KLF12: variants seen among roughly 807,000 people sequenced by gnomAD.
The protein encoded by KLF12 is KLF transcription factor 12, also known as Krueppel-like factor 12.
Under a neutral mutation model 37.8 loss-of-function variants are expected in KLF12, and 9 were observed. The ratio of observed to expected loss-of-function variants is 0.24; its 90% CI spans 0.14 to 0.42. KLF12 has a LOEUF of 0.42. Among genes scored for constraint, KLF12 ranks in the 10% least tolerant of loss-of-function variants. The probability of loss-of-function intolerance (pLI) is 1.00; values close to 1 mark genes in which losing one functional copy is unlikely to be tolerated. For synonymous variants in KLF12, 208 were observed against 202.1 expected (o/e 1.03, Z -0.25); for missense variants, 411 against 516.0 (o/e 0.80, Z 1.97).
chr13:73,873,421 G>T (rs1886564079), intron 3 of KLF12, among the ~76,000 whole-genome samples: 1 of 152,012 alleles, frequency 6.6e-6, no homozygotes, highest in Non-Finnish European at 1.5e-5. Context: ...TCAAAATCTG[G>T]TTCATCAATT....
chr13:74,158,703 T>A, the KLF12 span, among the ~76,000 whole-genome samples: 3 of 151,964 alleles, frequency 2.0e-5, no homozygotes, highest in East Asian at 5.8e-4. Flanking sequence ...TTGGGTAATG[T>A]GGGGTGGGGA....
At chr13:74,271,940 A>G in the KLF12 span, among the ~76,000 whole-genome samples, 1 of 152,248 alleles carries the variant, frequency 6.6e-6, no homozygotes, top group African/African-American at 2.4e-5. Context: ...TCAGCTTTTT[A>G]TAAAAAACTT....
chr13:74,101,895 C>A (rs1487904623), intron 1 of KLF12, among the ~76,000 whole-genome samples: 1 of 152,124 alleles, frequency 6.6e-6, no homozygotes, highest in Non-Finnish European at 1.5e-5. Flanking sequence ...ACTGTGGTGG[C>A]TGGTTTAGGC....
At chr13:74,287,386 G>GAGAGAA in the KLF12 span, among the ~76,000 whole-genome samples, 4 of 151,386 alleles carry the variant, frequency 2.6e-5, no homozygotes, top group Non-Finnish European at 5.9e-5. Context: ...GAGAGAGAGA[G>GAGAGAA]AGAGAGAGAA....
intron 1 of KLF12, among the ~76,000 whole-genome samples, chr13:74,051,341 A>AACACACACACACACACACACACAC (rs10678885): frequency 1.4e-5 from 2 of 143,690 alleles, no homozygotes; most frequent in Non-Finnish European, 3.0e-5. Context: ...TACACACACA[A>AACACACACACACACACACACACAC]ACACACACAC....
the KLF12 span, among the ~76,000 whole-genome samples, chr13:74,178,796 A>G: frequency 6.6e-6 from 1 of 152,104 alleles, no homozygotes; most frequent in Non-Finnish European, 1.5e-5. Context: ...GAGTTTTTCC[A>G]TTTGACCCTC....
the KLF12 span, among the ~76,000 whole-genome samples, chr13:74,212,521 C>T: frequency 1.3e-5 from 2 of 152,230 alleles, no homozygotes; most frequent in African/African-American, 2.4e-5. Flanking sequence ...AAAACTGAGG[C>T]ACGCACAGAT....
the KLF12 span, among the ~76,000 whole-genome samples, chr13:74,290,906 GAACA>G: frequency 1.3e-5 from 2 of 152,200 alleles, no homozygotes; most frequent in Non-Finnish European, 2.9e-5. Flanking sequence ...TAAAATAAAT[GAACA>G]AACAAACAGT....
At chr13:74,127,153 G>A (rs1190471362) in intron 1 of KLF12, among the ~76,000 whole-genome samples, 2 of 152,128 alleles carry the variant, frequency 1.3e-5, no homozygotes, top group Non-Finnish European at 2.9e-5. Flanking sequence ...ACAGGCACAC[G>A]CCACCAAACC....
At chr13:74,015,654 T>C (rs1323951340) in intron 1 of KLF12, among the ~76,000 whole-genome samples, 2 of 152,172 alleles carry the variant, frequency 1.3e-5, no homozygotes, top group African/African-American at 4.8e-5. Flanking sequence ...CTCTCCAACA[T>C]GAATATTTGT....
chr13:74,205,965 G>A, the KLF12 span, among the ~76,000 whole-genome samples: 1 of 152,262 alleles, frequency 6.6e-6, no homozygotes, highest in African/African-American at 2.4e-5. Flanking sequence ...GGTAATGTCT[G>A]ACACAGAGAT....
At chr13:74,107,741 G>T (rs1227174973) in intron 1 of KLF12, among the ~76,000 whole-genome samples, 1 of 152,202 alleles carries the variant, frequency 6.6e-6, no homozygotes, top group Non-Finnish European at 1.5e-5. Context: ...AATCATTAAG[G>T]GTTGCCCTAT....
chr13:74,146,340 AAT>A, the KLF12 span, among the ~76,000 whole-genome samples: 1 of 152,200 alleles, frequency 6.6e-6, no homozygotes, highest in Non-Finnish European at 1.5e-5. Context: ...CATCAGGAGC[AAT>A]ACCTGCTTGT....
intron 3 of KLF12, among the ~76,000 whole-genome samples, chr13:73,879,972 G>T (rs1363137158): frequency 1.3e-5 from 2 of 152,124 alleles, no homozygotes; most frequent in Non-Finnish European, 2.9e-5. Flanking sequence ...ACTACTTGAG[G>T]TTCTCAAATA....
intron 1 of KLF12, among the ~76,000 whole-genome samples, chr13:74,132,933 G>T (rs577506792): frequency 6.6e-6 from 1 of 152,316 alleles, no homozygotes; most frequent in South Asian, 2.1e-4. Context: ...ATGTCGCGGA[G>T]GTCAAGTCTG....
chr13:74,205,176 C>T, the KLF12 span, among the ~76,000 whole-genome samples: 1 of 152,064 alleles, frequency 6.6e-6, no homozygotes, highest in Non-Finnish European at 1.5e-5. Context: ...TCCCTAAGGA[C>T]ATAGACTGAT....
chr13:73,875,719 T>C (rs893647525), intron 3 of KLF12, among the ~76,000 whole-genome samples: 2 of 152,186 alleles, frequency 1.3e-5, no homozygotes, highest in Non-Finnish European at 2.9e-5. Flanking sequence ...TAGATGACTT[T>C]TTAACGTTTT....
chr13:73,975,320 C>G (rs1891481834), intron 2 of KLF12, among the ~76,000 whole-genome samples: 1 of 152,126 alleles, frequency 6.6e-6, no homozygotes, highest in Admixed American at 6.6e-5. Context: ...TGTTTTGTTA[C>G]AGGCTTAAAA....
intron 1 of KLF12, among the ~76,000 whole-genome samples, chr13:74,022,909 C>T (rs1892880762): frequency 6.6e-6 from 1 of 150,838 alleles, no homozygotes; most frequent in Non-Finnish European, 1.5e-5. Context: ...AGCTTCAAAA[C>T]TCTCTTCGAC....
Sources: gnomAD v4.1 joint callset for allele counts (sites outside exome capture counted in the v4.1 genomes callset) on GRCh38, gnomAD v4.1.1 for gene constraint, MANE v1.5 for transcripts, NCBI Gene and HGNC (gene_info 2026-07-23, HGNC 2026-07-21) for gene names.